TPX2: variants seen among roughly 807,000 people sequenced by gnomAD.
The protein encoded by TPX2 is TPX2 microtubule nucleation factor, also known as targeting protein for Xklp2.
In TPX2, 21 loss-of-function variants were observed where a neutral mutation model predicts 93.6. The ratio of observed to expected loss-of-function variants is 0.22; its 90% CI spans 0.16 to 0.32. TPX2 has a LOEUF of 0.32. Ranked by LOEUF, TPX2 falls within the 10% of genes least tolerant of loss-of-function variation. TPX2 has a pLI of 1.00. For synonymous variants in TPX2, 281 were observed against 298.3 expected, an observed-to-expected ratio of 0.94 and a Z score of 0.60; for missense variants, 776 against 871.1, an observed-to-expected ratio of 0.89 and a Z score of 1.37.
chr20:31,765,082 G>A (rs184409995), intron 4 of TPX2, among the ~76,000 whole-genome samples: 30 of 151,870 alleles, frequency 2.0e-4, no homozygotes, highest in Non-Finnish European at 3.8e-4. Context: ...AGCCTCCTGA[G>A]TAACTGGGAC....
rs1062794 is a variant in TPX2 at position 31,793,955 on chromosome 20, G to A, written c.1617G>A (p.Ser539=). 7 of 1,613,396 alleles carry A rather than the reference G, an allele frequency of 4.3e-6. No homozygotes were observed. The highest frequency in any genetic ancestry group is 2.7e-5 in the African/African-American group (2 of 74,794). The change falls in exon 14 of 18, where the codon TCG becomes TCA. Residue 539 remains serine (S), a synonymous_variant. Coordinates refer to ENST00000300403, the MANE Select transcript of TPX2 (RefSeq NM_012112.5). The stretch of plus-strand genomic sequence containing the variant: ...GAACTGTGGAAATATGCCCTTTCTC[G>A]TTTGATTCTCGAGACAAAGAACGTC... ...EARTVEICPF[S]FDSRDKERQL...
intron 3 of TPX2, 111 bp from the exon 4 acceptor site, chr20:31,759,946 C>T: frequency 7.0e-7 from 1 of 1,429,334 alleles, no homozygotes; most frequent in Non-Finnish European, 9.4e-7. Context: ...GTACTTGCCA[C>T]ATGAGTTGGA....
chr20:31,781,913 C>T (rs1050722720), intron 10 of TPX2, among the ~76,000 whole-genome samples: 8 of 151,460 alleles, frequency 5.3e-5, no homozygotes, highest in Admixed American at 3.3e-4. Context: ...TGCACTCTAG[C>T]CTGGGCAACA....
At chr20:31,792,929 C>G in intron 13 of TPX2, 99 bp downstream of exon 13, 1 of 1,115,790 alleles carries the variant, frequency 9.0e-7, no homozygotes, top group South Asian at 1.3e-5. Flanking sequence ...AAGGCAACCA[C>G]TCTTTTTTGG....
chr20:31,786,390 C>T (rs1006006633), intron 12 of TPX2, among the ~76,000 whole-genome samples: 14 of 123,622 alleles, frequency 1.1e-4, no homozygotes, highest in African/African-American at 4.5e-4. Flanking sequence ...TCAGTCACAC[C>T]TGAACTACTG....
At chr20:31,765,751 A>G (rs1242796876) in intron 4 of TPX2, among the ~76,000 whole-genome samples, 1 of 152,150 alleles carries the variant, frequency 6.6e-6, no homozygotes, top group African/African-American at 2.4e-5. Context: ...CTTTGGTTGT[A>G]TTGTCACAAC....
intron 7 of TPX2, among the ~76,000 whole-genome samples, chr20:31,773,405 C>A (rs953996642): frequency 2.0e-5 from 3 of 146,836 alleles, no homozygotes; most frequent in Admixed American, 6.7e-5. Context: ...TCTGCCTCAG[C>A]CTCCCAAAGT....
At chr20:31,746,617 A>G (rs2061784952) in intron 2 of TPX2, among the ~76,000 whole-genome samples, 1 of 152,236 alleles carries the variant, frequency 6.6e-6, no homozygotes, top group East Asian at 1.9e-4. Flanking sequence ...GTTTGAGAGC[A>G]TCTGTCACAC....
chr20:31,752,573 A>G (rs888596474), intron 2 of TPX2, among the ~76,000 whole-genome samples: 1 of 152,220 alleles, frequency 6.6e-6, no homozygotes, highest in African/African-American at 2.4e-5. Flanking sequence ...CTTAGCGTCT[A>G]TGTAGATGTT....
In TPX2 at chr20:31,783,792, C is replaced by T. The variant is rs778161513; in HGVS notation, c.1284C>T (p.Thr428=). The change falls in exon 12 of 18, where the codon ACC becomes ACT. Residue 428 remains threonine, a synonymous_variant. Transcript: ENST00000300403. The part of the protein sequence containing the change: ...LPKKPPVKPP[T]EPIGFDLEIE... ...AGAAACCACCTGTGAAACCACCCACCGAGCCTATTGGCTTTGATTTGGAAA... is the reference window on the plus strand; with the variant it reads ...AGAAACCACCTGTGAAACCACCCACTGAGCCTATTGGCTTTGATTTGGAAA... 1.1e-5 allele frequency: 18 copies of T among 1,613,318 alleles called. No individual in the cohort carries two copies. The highest frequency in any genetic ancestry group is 1.6e-4 in the Middle Eastern group (1 of 6,080).
intron 10 of TPX2, among the ~76,000 whole-genome samples, chr20:31,780,603 A>T (rs904255190): frequency 6.6e-6 from 1 of 152,212 alleles, no homozygotes; most frequent in African/African-American, 2.4e-5. Context: ...CAGCTAAATA[A>T]TGGTTACATG....
intron 10 of TPX2, among the ~76,000 whole-genome samples, chr20:31,780,528 C>T (rs1370254994): frequency 2.0e-5 from 3 of 152,100 alleles, no homozygotes; most frequent in Admixed American, 2.0e-4. Flanking sequence ...TTTCAGAATA[C>T]TAGTCCTGGC....
chr20:31,766,467 G>GTGTGTGTGTGTA (rs2123010425), intron 4 of TPX2, 89 bp from the exon 5 acceptor site: 1 of 1,133,306 alleles, frequency 8.8e-7, no homozygotes, highest in African/African-American at 1.6e-5. Context: ...GTGTGTGTGT[G>GTGTGTGTGTGTA]TGTGTGTGTG....
chr20:31,795,566 C>T (rs1049866799), intron 15 of TPX2, among the ~76,000 whole-genome samples: 6 of 152,260 alleles, frequency 3.9e-5, no homozygotes, highest in African/African-American at 1.4e-4. Flanking sequence ...TCCCCTGCTC[C>T]AAGTGATCAC....
chr20:31,792,852 G>A lies in TPX2; in HGVS notation c.1509+22G>A, dbSNP rs766623660. ...TGAGGTGATTCCCTGGGAGTAGGGG[G>A]GTTCTTTTTCCTTCTATATAGTCAG... On this transcript the variant is annotated intron_variant, in intron 13 of 17. Transcript: ENST00000300403. The A allele has an allele frequency of 8.7e-6, 14 of 1,607,464 alleles. No homozygotes were observed. In the East Asian group the frequency reaches 8.9e-5, roughly 10 times the overall value.
intron 2 of TPX2, among the ~76,000 whole-genome samples, chr20:31,743,355 A>C (rs2061764536): frequency 6.6e-6 from 1 of 152,146 alleles, no homozygotes; most frequent in Non-Finnish European, 1.5e-5. Flanking sequence ...CTATGTAAAT[A>C]GTTGTTATAC....
At chr20:31,778,736 G>C (rs938160699) in intron 9 of TPX2, 77 bp from the exon 10 acceptor site, 19 of 1,372,318 alleles carry the variant, frequency 1.4e-5, no homozygotes, top group Non-Finnish European at 1.9e-5. Context: ...TTGATCCTCT[G>C]TGCCGAATAT....
chr20:31,750,169 T>A (rs1241569545), intron 2 of TPX2, among the ~76,000 whole-genome samples: 1 of 151,402 alleles, frequency 6.6e-6, no homozygotes, highest in Admixed American at 6.6e-5. Context: ...TTTCTTTTTT[T>A]TTTTTGAGAC....
chr20:31,778,732 C>T (rs1232579583), intron 9 of TPX2, 81 bp from the exon 10 acceptor site: 34 of 1,336,166 alleles, frequency 2.5e-5, no homozygotes, highest in Non-Finnish European at 3.3e-5. Context: ...TTTATTGATC[C>T]TCTGTGCCGA....
Sources: allele counts gnomAD v4.1 joint callset (sites outside exome capture counted in the v4.1 genomes callset), GRCh38; gene constraint gnomAD v4.1.1; transcripts MANE v1.5; gene names NCBI Gene and HGNC (gene_info 2026-07-23, HGNC 2026-07-21).